RTTN: variants seen among roughly 807,000 people sequenced by gnomAD.
RTTN encodes the protein rotatin.
A neutral mutation model predicts 269.2 loss-of-function variants in RTTN; 182 were observed. The observed-to-expected ratio is 0.68, with a 90% CI of 0.60 to 0.76. RTTN has a LOEUF of 0.76. Among genes scored for constraint, RTTN ranks in the 30% least tolerant of loss-of-function variants. The pLI, the probability that RTTN is intolerant of heterozygous loss-of-function variation, is 0.00. For synonymous variants in RTTN, 1,006 were observed against 963.5 expected, an observed-to-expected ratio of 1.04 and a Z score of -0.82; for missense variants, 2,545 against 2,608.6, an observed-to-expected ratio of 0.98 and a Z score of 0.53.
intron 39 of RTTN, among the ~76,000 whole-genome samples, chr18:70,050,998 T>C (rs996260543): frequency 5.9e-5 from 9 of 152,082 alleles, no homozygotes; most frequent in African/African-American, 2.2e-4. Flanking sequence ...GATCGGTTGA[T>C]AGGTGCAGCA....
At chr18:70,155,629 G>A (rs2060653041) in intron 14 of RTTN, among the ~76,000 whole-genome samples, 1 of 152,178 alleles carries the variant, frequency 6.6e-6, no homozygotes, top group African/African-American at 2.4e-5. Flanking sequence ...ACTGCCCAAT[G>A]AGTTGCCAGA....
intron 40 of RTTN, 58 bp downstream of exon 40, chr18:70,047,913 G>T: frequency 7.4e-7 from 1 of 1,355,066 alleles, no homozygotes; most frequent in Non-Finnish European, 1.0e-6. Flanking sequence ...GACCATGACT[G>T]AAAGTCAATT....
intron 11 of RTTN, among the ~76,000 whole-genome samples, chr18:70,175,953 G>A (rs550928755): frequency 4.0e-4 from 60 of 151,702 alleles, no homozygotes; most frequent in African/African-American, 1.4e-3. Flanking sequence ...GAGAAGGAAA[G>A]GCTACTCTTG....
chr18:70,131,166 CAG>C (rs2059989112), intron 23 of RTTN: 1 of 135,218 alleles, frequency 7.4e-6, no homozygotes, highest in Non-Finnish European at 1.6e-5. Context: ...AAAAACCTGA[CAG>C]AAATCATTGC....
intron 40 of RTTN, among the ~76,000 whole-genome samples, chr18:70,031,954 C>T (rs1372602284): frequency 2.0e-5 from 3 of 152,126 alleles, no homozygotes; most frequent in African/African-American, 7.2e-5. Context: ...TCGCTCTCCC[C>T]ACAGGCCGCT....
intron 26 of RTTN, among the ~76,000 whole-genome samples, chr18:70,121,328 G>C (rs1193633413): frequency 6.6e-6 from 1 of 152,080 alleles, no homozygotes; most frequent in African/African-American, 2.4e-5. Context: ...TGCAGAACAG[G>C]TTTTATTAAA....
Position 70,057,761 on chromosome 18 carries a change from G to C in RTTN, c.5012C>G (p.Ala1671Gly). Residue 1671 changes from alanine (A) to glycine (G), a missense_variant, in exon 37 of 49, where the codon GCT (alanine) becomes GGT (glycine). Physicochemically the swap from Ala to Gly is moderately conservative, Grantham distance 60. Transcript: ENST00000640769. ...LRALLPSSPP[A>G]EHTQAQVSFL... is the part of the protein sequence containing the mutation. ...GCTTACCTGAGCCTGAGTGTGTTCA[G>C]CTGGAGGTGATGAAGGCAGCAGGGC... The C allele has an allele frequency of 6.2e-7, 1 of 1,613,608 alleles. No homozygotes were observed. The highest frequency in any genetic ancestry group is 8.5e-7 in the Non-Finnish European group (1 of 1,179,648).
intron 27 of RTTN, among the ~76,000 whole-genome samples, chr18:70,110,638 C>A (rs1240640444): frequency 6.6e-6 from 1 of 152,184 alleles, no homozygotes; most frequent in Non-Finnish European, 1.5e-5. Context: ...GCCATTTGGG[C>A]AGACACCAAA....
At chr18:70,042,366 CTTTTT>C (rs1017125527) in intron 40 of RTTN, among the ~76,000 whole-genome samples, 34 of 78,064 alleles carry the variant, frequency 4.4e-4, no homozygotes, top group African/African-American at 9.3e-4. Flanking sequence ...TTGGAATTTT[CTTTTT>C]TTTTTTTTTT....
chr18:70,029,708 T>A (rs946757860), intron 42 of RTTN, among the ~76,000 whole-genome samples: 1 of 152,234 alleles, frequency 6.6e-6, no homozygotes, highest in African/African-American at 2.4e-5. Context: ...ATGCTTGTTT[T>A]GAGATAAAGA....
chr18:70,171,759 C>A (rs2061149087), intron 11 of RTTN, among the ~76,000 whole-genome samples: 1 of 152,210 alleles, frequency 6.6e-6, no homozygotes, highest in Non-Finnish European at 1.5e-5. Flanking sequence ...TGTAAACTAG[C>A]CACTCAGCAG....
At chr18:70,124,572 A>C (rs541796012) in intron 25 of RTTN, among the ~76,000 whole-genome samples, 25 of 152,088 alleles carry the variant, frequency 1.6e-4, no homozygotes, top group Non-Finnish European at 3.7e-4. Context: ...GTATGCCCTA[A>C]AATATCAAGC....
rs115431150 is a variant in RTTN at position 70,076,740 on chromosome 18, C to T, written c.4375-1199G>A. Among the ~76,000 whole-genome samples, 1,458 of 151,968 alleles carry T rather than the reference C, an allele frequency of 9.6e-3. 22 individuals carry two copies. Among genetic ancestry groups the T allele is most frequent in the African/African-American group, 0.033 (1,389 of 41,486 alleles). On this transcript the variant is annotated intron_variant, in intron 32 of 48. Transcript: ENST00000640769. ...ACAGCCAGCACATGGTGGTCACTGT[C>T]GTTATTTTAAATGCAGAGGTCTAGA...
At chr18:70,201,622 A>AAC (rs2061953253) in intron 4 of RTTN, among the ~76,000 whole-genome samples, 2 of 149,880 alleles carry the variant, frequency 1.3e-5, no homozygotes, top group South Asian at 2.1e-4. Context: ...AAAAAAAAAA[A>AAC]AAAAAAAAAA....
chr18:70,113,832 G>T (rs558899342), intron 27 of RTTN, among the ~76,000 whole-genome samples: 7 of 152,222 alleles, frequency 4.6e-5, no homozygotes, highest in Admixed American at 2.6e-4. Context: ...GATATATCCA[G>T]AATAGGCAAA....
chr18:70,060,951 T>C (rs1415437435), intron 35 of RTTN, among the ~76,000 whole-genome samples: 1 of 149,778 alleles, frequency 6.7e-6, no homozygotes, highest in Non-Finnish European at 1.5e-5. Context: ...CTCTGAGTAA[T>C]ATTTCATTGT....
chr18:70,054,404 A>G, intron 37 of RTTN, 120 bp from the exon 38 acceptor site: 1 of 953,498 alleles, frequency 1.0e-6, no homozygotes, highest in Non-Finnish European at 1.5e-6. Context: ...ATTTTTCAAG[A>G]TCTGAAATTA....
intron 28 of RTTN, among the ~76,000 whole-genome samples, chr18:70,101,324 A>C (rs1237062915): frequency 6.6e-6 from 1 of 152,154 alleles, no homozygotes; most frequent in Non-Finnish European, 1.5e-5. Context: ...TGTGTCCAGA[A>C]ATTTATCCAT....
intron 28 of RTTN, among the ~76,000 whole-genome samples, chr18:70,109,275 A>G (rs1370740233): frequency 6.6e-6 from 1 of 152,206 alleles, no homozygotes; most frequent in Non-Finnish European, 1.5e-5. Context: ...TCCTTTGAGC[A>G]TCAAAAGTTT....
Sources: gnomAD v4.1 joint callset for allele counts (sites outside exome capture counted in the v4.1 genomes callset) on GRCh38, gnomAD v4.1.1 for gene constraint, MANE v1.5 for transcripts, NCBI Gene and HGNC (gene_info 2026-07-23, HGNC 2026-07-21) for gene names.